Variants in LRP12 observed in about 807,000 individuals in gnomAD.
LRP12 encodes the protein LDL receptor related protein 12, also known as low-density lipoprotein receptor-related protein 12.
Under a neutral mutation model 66.0 loss-of-function variants are expected in LRP12, and 14 were observed. That is an observed-to-expected ratio of 0.21 (90% CI 0.14 to 0.33). The LOEUF is 0.33. LRP12 is among the 10% of genes least tolerant of loss of function. LRP12 has a pLI of 1.00. For synonymous variants in LRP12, 357 were observed against 359.1 expected, an observed-to-expected ratio of 0.99 and a Z score of 0.07; for missense variants, 889 against 1,053.4, an observed-to-expected ratio of 0.84 and a Z score of 2.16.
intron 1 of LRP12, among the ~76,000 whole-genome samples, chr8:104,538,828 G>A (rs1811424753): frequency 6.6e-6 from 1 of 152,086 alleles, no homozygotes; most frequent in African/African-American, 2.4e-5. Context: ...GTGTACTTTA[G>A]CAACTACGTT....
intron 2 of LRP12, among the ~76,000 whole-genome samples, chr8:104,520,381 A>G (rs1211245814): frequency 6.6e-6 from 1 of 152,160 alleles, no homozygotes; most frequent in East Asian, 1.9e-4. Flanking sequence ...CCCAAATGGG[A>G]AAAATTACTA....
intron 6 of LRP12, among the ~76,000 whole-genome samples, chr8:104,493,717 G>A (rs1314140928): frequency 1.3e-5 from 2 of 152,210 alleles, no homozygotes; most frequent in Non-Finnish European, 2.9e-5. Context: ...CTATGTGCTA[G>A]TGCACCAGTA....
rs549419563 is a variant in LRP12, at chr8:104,564,897, C to T, written c.79+23922G>A. 1.5e-3 allele frequency among the ~76,000 whole-genome samples: 224 copies of T among 151,442 alleles called. 1 individual carries two copies. Among genetic ancestry groups the T allele is most frequent in the Non-Finnish European group, 2.7e-3 (181 of 67,906 alleles). ...GCAGTGAGCCTAGATCGCACCACTGCACTCCAGCCTGGGTAACAGAGTGAG... is the reference window on the plus strand; with the variant it reads ...GCAGTGAGCCTAGATCGCACCACTGTACTCCAGCCTGGGTAACAGAGTGAG... On this transcript the variant is annotated intron_variant, in intron 1 of 6. Transcript: ENST00000276654.
At chr8:104,583,002 G>T (rs1200598254) in intron 1 of LRP12, among the ~76,000 whole-genome samples, 1 of 152,008 alleles carries the variant, frequency 6.6e-6, no homozygotes, top group Non-Finnish European at 1.5e-5. Context: ...ACGGCAAGAG[G>T]AAAAATCCCC....
intron 1 of LRP12, among the ~76,000 whole-genome samples, chr8:104,581,739 T>C (rs1812251776): frequency 6.6e-6 from 1 of 151,758 alleles, no homozygotes; most frequent in South Asian, 2.1e-4. Flanking sequence ...TACAATAATG[T>C]AGACAAAAAA....
chr8:104,523,471 A>G (rs1306566737), intron 2 of LRP12, among the ~76,000 whole-genome samples: 1 of 152,202 alleles, frequency 6.6e-6, no homozygotes, highest in Non-Finnish European at 1.5e-5. Flanking sequence ...GACATACTAT[A>G]CAACTAATAA....
chr8:104,536,448 G>A (rs1333581943), intron 1 of LRP12, among the ~76,000 whole-genome samples: 2 of 151,920 alleles, frequency 1.3e-5, no homozygotes, highest in African/African-American at 4.8e-5. Flanking sequence ...GGTGGGGGGA[G>A]TATTCTGATG....
In LRP12 at chr8:104,565,642, C is replaced by T. The variant is rs370004129; in HGVS notation, c.79+23177G>A. Among the ~76,000 whole-genome samples, 97 of 152,068 alleles carry T rather than the reference C, an allele frequency of 6.4e-4. 1 individual carries two copies. Among genetic ancestry groups the T allele is most frequent in the African/African-American group, 2.0e-3 (83 of 41,514 alleles). On this transcript the variant is annotated intron_variant, in intron 1 of 6. Coordinates refer to ENST00000276654, the MANE Select transcript of LRP12 (RefSeq NM_013437.5). ...TGGGAGGCCAAGGCGGGTGGATCAA[C>T]GAGGTCAGGAGATCAAGACCACCCT...
At chr8:104,530,227 C>CA (rs1271143300) in intron 2 of LRP12, among the ~76,000 whole-genome samples, 1 of 152,042 alleles carries the variant, frequency 6.6e-6, no homozygotes, top group East Asian at 1.9e-4. Flanking sequence ...CCCATATAAA[C>CA]AAAAACTCTT....
chr8:104,559,164 TAGC>T (rs1350109383), intron 1 of LRP12, among the ~76,000 whole-genome samples: 2 of 152,182 alleles, frequency 1.3e-5, no homozygotes, highest in East Asian at 3.9e-4. Context: ...TGCATATTTA[TAGC>T]AGTACAATTC....
chr8:104,543,746 AC>A (rs977960753), intron 1 of LRP12, among the ~76,000 whole-genome samples: 1 of 152,166 alleles, frequency 6.6e-6, no homozygotes, highest in African/African-American at 2.4e-5. Flanking sequence ...ACATGGTGAA[AC>A]CCTGTTTCTA....
chr8:104,585,203 A>C (rs1588514006), intron 1 of LRP12, among the ~76,000 whole-genome samples: 1 of 152,220 alleles, frequency 6.6e-6, no homozygotes, highest in East Asian at 1.9e-4. Context: ...ATATACAAAC[A>C]AGAAACATTC....
chr8:104,528,223 C>A (rs1169324342), intron 2 of LRP12, among the ~76,000 whole-genome samples: 1 of 152,094 alleles, frequency 6.6e-6, no homozygotes, highest in Non-Finnish European at 1.5e-5. Flanking sequence ...TGAGCACCGG[C>A]AAATGGAGTA....
At chr8:104,575,507 C>T (rs747246176) in intron 1 of LRP12, among the ~76,000 whole-genome samples, 22 of 152,118 alleles carry the variant, frequency 1.4e-4, no homozygotes, top group Admixed American at 1.3e-4. Flanking sequence ...GTCCAGGAGT[C>T]GGGAGCTGAG....
Position 104,509,055 on chromosome 8 carries a change from C to T in LRP12, c.156G>A (p.Glu52=), listed in dbSNP as rs1211295227. The T allele has an allele frequency of 3.1e-6, 5 of 1,613,352 alleles. No individual in the cohort carries two copies. In the East Asian group the frequency reaches 8.9e-5, roughly 29 times the overall value. Residue 52 remains glutamate (E), a synonymous_variant, in exon 3 of 7, where the codon GAG becomes GAA. Transcript: ENST00000276654. ...GVSTACGETP[E]QIRAPSGIIT... is the part of the protein sequence containing the mutation. ...TTATGCCACTTGGTGCTCGTATTTG[C>T]TCTGGAGTCTCTCCACAAGCTGGAA...
At chr8:104,561,834 T>C (rs1475061364) in intron 1 of LRP12, among the ~76,000 whole-genome samples, 1 of 152,190 alleles carries the variant, frequency 6.6e-6, no homozygotes, top group East Asian at 1.9e-4. Context: ...GGTAGCTTCC[T>C]TGCTTTCTGA....
chr8:104,507,577 A>G (rs563658514), intron 3 of LRP12: 3 of 152,346 alleles, frequency 2.0e-5, no homozygotes, highest in African/African-American at 7.2e-5. Context: ...AACTCCCAAT[A>G]TGTGGTAAAA....
intron 1 of LRP12, among the ~76,000 whole-genome samples, chr8:104,537,491 AG>A (rs1811407258): frequency 6.6e-6 from 1 of 152,128 alleles, no homozygotes; most frequent in South Asian, 2.1e-4. Context: ...CTGACCAGCA[AG>A]AGAGAGCTCC....
chr8:104,577,235 A>G (rs1812178699), intron 1 of LRP12, among the ~76,000 whole-genome samples: 1 of 152,200 alleles, frequency 6.6e-6, no homozygotes, highest in African/African-American at 2.4e-5. Flanking sequence ...AACAGACCTG[A>G]CAGATATCTA....
Sources: allele counts gnomAD v4.1 joint callset (sites outside exome capture counted in the v4.1 genomes callset), GRCh38; gene constraint gnomAD v4.1.1; transcripts MANE v1.5; gene names NCBI Gene and HGNC (gene_info 2026-07-23, HGNC 2026-07-21).